The following SUGCT variants were observed in gnomAD, a reference collection of about 807,000 sequenced individuals.
SUGCT encodes succinyl-CoA:glutarate-CoA transferase.
In SUGCT, 41 loss-of-function variants were observed where a neutral mutation model predicts 55.0. That is an observed-to-expected ratio of 0.74 (90% confidence interval 0.58 to 0.97). The LOEUF (loss-of-function observed/expected upper bound fraction) is 0.97. Ranked by LOEUF, SUGCT falls within the 50% of genes least tolerant of loss-of-function variation. The probability of loss-of-function intolerance (pLI) is 0.00; values close to 1 mark genes in which losing one functional copy is unlikely to be tolerated. For missense variants in SUGCT, 568 were observed against 547.8 expected (o/e 1.04, Z -0.37); for synonymous variants, 187 against 200.4 (o/e 0.93, Z 0.56).
At chr7:40,760,459 G>C (rs1191995795) in intron 13 of SUGCT, among the ~76,000 whole-genome samples, 1 of 152,118 alleles carries the variant, frequency 6.6e-6, no homozygotes, top group Non-Finnish European at 1.5e-5. Context: ...TGGCCAGTTA[G>C]TGTTTACAGA....
chr7:40,898,046 T>G, the SUGCT span, among the ~76,000 whole-genome samples: 2 of 152,176 alleles, frequency 1.3e-5, no homozygotes, highest in African/African-American at 4.8e-5. Flanking sequence ...CAGATAAATC[T>G]TGATGCTGCT....
At chr7:40,286,366 C>T (rs1432098206) in intron 8 of SUGCT, among the ~76,000 whole-genome samples, 1 of 152,164 alleles carries the variant, frequency 6.6e-6, no homozygotes, top group Non-Finnish European at 1.5e-5. Context: ...ATACTCTCGC[C>T]TCTCTCTTAG....
the SUGCT span, among the ~76,000 whole-genome samples, chr7:41,008,901 G>T: frequency 1.3e-5 from 2 of 152,156 alleles, no homozygotes; most frequent in Admixed American, 6.5e-5. Flanking sequence ...CCACCCGAAG[G>T]GATGGTGTCT....
At chr7:40,164,470 A>C (rs905602432) in intron 1 of SUGCT, among the ~76,000 whole-genome samples, 1 of 152,112 alleles carries the variant, frequency 6.6e-6, no homozygotes, top group Non-Finnish European at 1.5e-5. Flanking sequence ...TTAATTGCAA[A>C]AGTTGAGGAT....
chr7:40,788,315 A>G (rs1790136952), intron 13 of SUGCT, among the ~76,000 whole-genome samples: 1 of 152,216 alleles, frequency 6.6e-6, no homozygotes, highest in Non-Finnish European at 1.5e-5. Flanking sequence ...AACACTCAAA[A>G]TGTCCAGGAA....
the SUGCT span, among the ~76,000 whole-genome samples, chr7:40,945,617 C>G: frequency 6.6e-6 from 1 of 152,156 alleles, no homozygotes; most frequent in Non-Finnish European, 1.5e-5. Flanking sequence ...GGCTTTCCCC[C>G]ACTGAGCCCA....
At chr7:40,439,064 G>GTGTGTATATATATATA (rs1283539157) in intron 9 of SUGCT, among the ~76,000 whole-genome samples, 1 of 27,194 alleles carries the variant, frequency 3.7e-5, no homozygotes, top group African/African-American at 1.6e-4. Context: ...TATATATGGT[G>GTGTGTATATATATATA]TATATATATA....
At chr7:40,643,057 A>G (rs1027207849) in intron 12 of SUGCT, among the ~76,000 whole-genome samples, 2 of 152,180 alleles carry the variant, frequency 1.3e-5, no homozygotes, top group Admixed American at 1.3e-4. Flanking sequence ...TCTGGATTAT[A>G]ATTACTTGCC....
chr7:40,847,196 G>A (rs1458141843), intron 13 of SUGCT, among the ~76,000 whole-genome samples: 1 of 152,088 alleles, frequency 6.6e-6, no homozygotes, highest in Non-Finnish European at 1.5e-5. Context: ...CTAGTTTGTG[G>A]TGGGATAACA....
intron 9 of SUGCT, among the ~76,000 whole-genome samples, chr7:40,391,381 C>T (rs2151302110): frequency 1.3e-5 from 2 of 152,108 alleles, no homozygotes; most frequent in South Asian, 4.2e-4. Context: ...TACAATCTAC[C>T]CGTCTGACAA....
chr7:40,451,197 G>A (rs1789173843), intron 10 of SUGCT, among the ~76,000 whole-genome samples: 2 of 152,118 alleles, frequency 1.3e-5, no homozygotes, highest in South Asian at 2.1e-4. Context: ...TTTTCTTCCT[G>A]GGCCATATGT....
At chr7:40,550,944 G>GT (rs1434457932) in intron 12 of SUGCT, among the ~76,000 whole-genome samples, 5 of 152,238 alleles carry the variant, frequency 3.3e-5, no homozygotes, top group Admixed American at 2.0e-4. Flanking sequence ...CTTGCCTTCT[G>GT]TTTTACCCAT....
At chr7:40,503,141 C>T (rs1277715370) in intron 12 of SUGCT, among the ~76,000 whole-genome samples, 1 of 151,860 alleles carries the variant, frequency 6.6e-6, no homozygotes, top group African/African-American at 2.4e-5. Flanking sequence ...AAGAAAAATC[C>T]GAGGCCTAGA....
At chr7:40,327,518 C>A (rs1008627068) in intron 9 of SUGCT, among the ~76,000 whole-genome samples, 9 of 152,160 alleles carry the variant, frequency 5.9e-5, no homozygotes, top group African/African-American at 1.9e-4. Context: ...AATGCACTTA[C>A]AACTGTTCAA....
At chr7:40,882,808 A>G in the SUGCT span, among the ~76,000 whole-genome samples, 2 of 152,222 alleles carry the variant, frequency 1.3e-5, no homozygotes, top group Admixed American at 1.3e-4. Context: ...TTGGTGTTTT[A>G]TCAGGTAAAA....
chr7:40,678,314 A>G (rs1435834980), intron 12 of SUGCT, among the ~76,000 whole-genome samples: 2 of 152,048 alleles, frequency 1.3e-5, no homozygotes, highest in East Asian at 1.9e-4. Context: ...GGTTTTTTGC[A>G]CTCATAGTAA....
At chr7:40,793,294 C>A (rs1289457586) in intron 13 of SUGCT, 1 of 152,078 alleles carries the variant, frequency 6.6e-6, no homozygotes. Context: ...AGAGACTGCA[C>A]TTCAGAAATG....
intron 9 of SUGCT, among the ~76,000 whole-genome samples, chr7:40,387,371 T>C (rs143148686): frequency 1.3e-5 from 2 of 152,154 alleles, no homozygotes; most frequent in African/African-American, 4.8e-5. Flanking sequence ...CATGTAAGAC[T>C]GACACAAAGG....
chr7:40,830,434 A>C (rs1792600507), intron 13 of SUGCT, among the ~76,000 whole-genome samples: 1 of 152,050 alleles, frequency 6.6e-6, no homozygotes, highest in African/African-American at 2.4e-5. Context: ...CCTCCTTGCA[A>C]TGTCTCAATC....
Sources: allele counts gnomAD v4.1 joint callset (sites outside exome capture counted in the v4.1 genomes callset), GRCh38; gene constraint gnomAD v4.1.1; transcripts MANE v1.5; gene names NCBI Gene and HGNC (gene_info 2026-07-23, HGNC 2026-07-21).